The following EDC3 variants were observed in gnomAD, a reference collection of about 807,000 sequenced individuals.
The protein encoded by EDC3 is enhancer of mRNA decapping 3, also known as enhancer of mRNA-decapping protein 3.
A neutral mutation model predicts 41.8 loss-of-function variants in EDC3; 20 were observed. That is an observed-to-expected ratio of 0.48 (90% CI 0.34 to 0.70). The LOEUF is 0.70. Among genes scored for constraint, EDC3 ranks in the 30% least tolerant of loss-of-function variants. The probability of loss-of-function intolerance (pLI) is 0.01; values close to 1 mark genes in which losing one functional copy is unlikely to be tolerated. For synonymous variants in EDC3, 206 were observed against 243.2 expected, an observed-to-expected ratio of 0.85 and a Z score of 1.42; for missense variants, 444 against 636.8, an observed-to-expected ratio of 0.70 and a Z score of 3.26.
At chr15:74,641,094 G>C in intron 4 of EDC3, 1 of 163,592 alleles carries the variant, frequency 6.1e-6, no homozygotes, top group South Asian at 1.7e-4. Flanking sequence ...TCTGGTCCCT[G>C]CTGTTCTCCT....
intron 4 of EDC3, chr15:74,642,092 G>A (rs2062359470): frequency 6.6e-6 from 1 of 152,184 alleles, no homozygotes; most frequent in Admixed American, 6.5e-5. Flanking sequence ...CACAGAGAAT[G>A]AGGCTATAGC....
At chr15:74,672,636 CA>C (rs2062752700) in intron 2 of EDC3, among the ~76,000 whole-genome samples, 1 of 152,044 alleles carries the variant, frequency 6.6e-6, no homozygotes, top group South Asian at 2.1e-4. Context: ...GTCAACATGG[CA>C]AAACCCTGTC....
At chr15:74,693,418 T>C (rs185051729) in intron 1 of EDC3, among the ~76,000 whole-genome samples, 158 of 152,334 alleles carry the variant, frequency 1.0e-3, no homozygotes, top group Non-Finnish European at 1.6e-3. Flanking sequence ...CAAATTATAT[T>C]GAGATCTTTT....
Position 74,635,432 on chromosome 15 carries a change from C to G in EDC3, c.1169G>C (p.Gly390Ala), listed in dbSNP as rs1391659196. ...NELSLFSKTQ[G>A]QQVSSLKDLP... The stretch of plus-strand genomic sequence containing the variant: ...ACCTTTGAGGCTAGACACTTGTTGG[C>G]CTTGGGTCTTGCTGAAGAGCGACAG... The change falls in exon 6 of 7, where the codon GGC becomes GCC. Residue 390 changes from glycine (G) to alanine (A), a missense_variant. Physicochemically the swap from Gly to Ala is moderately conservative, Grantham distance 60. Transcript: ENST00000315127. The G allele has an allele frequency of 6.2e-7, 1 of 1,614,226 alleles. No homozygotes were observed.
At chr15:74,684,013 C>T (rs1338356145) in intron 1 of EDC3, among the ~76,000 whole-genome samples, 3 of 150,288 alleles carry the variant, frequency 2.0e-5, no homozygotes, top group Admixed American at 6.6e-5. Context: ...TATGATTGTA[C>T]CACTGCACTC....
At chr15:74,663,487 C>T (rs1022545553) in intron 3 of EDC3, among the ~76,000 whole-genome samples, 4 of 151,958 alleles carry the variant, frequency 2.6e-5, no homozygotes, top group South Asian at 2.1e-4. Flanking sequence ...TGAGCGCCAA[C>T]GTGATGTTCA....
At chr15:74,657,638 T>G (rs938629887) in intron 3 of EDC3, among the ~76,000 whole-genome samples, 7 of 152,188 alleles carry the variant, frequency 4.6e-5, no homozygotes, top group Admixed American at 4.6e-4. Flanking sequence ...GGCCTGGTCT[T>G]ATAGCCTGAA....
At chr15:74,639,329 C>T (rs1331632900) in intron 5 of EDC3, 1 of 152,228 alleles carries the variant, frequency 6.6e-6, no homozygotes, top group African/African-American at 2.4e-5. Flanking sequence ...ACTTTCCAGC[C>T]ACATAGTGAC....
chr15:74,672,077 C>T (rs988501011), intron 2 of EDC3, among the ~76,000 whole-genome samples: 3 of 149,312 alleles, frequency 2.0e-5, no homozygotes, highest in Non-Finnish European at 4.4e-5. Flanking sequence ...CCGGCTAAAA[C>T]GGTGAAACCC....
chr15:74,685,394 C>T (rs983044429), intron 1 of EDC3, among the ~76,000 whole-genome samples: 28 of 151,960 alleles, frequency 1.8e-4, no homozygotes, highest in African/African-American at 6.8e-4. Context: ...CAGAGTGAGA[C>T]CCTGTCTCAA....
Position 74,671,341 on chromosome 15 carries a change from G to T in EDC3, c.484+114C>A. On this transcript the variant is annotated intron_variant, in intron 3 of 6. Transcript: ENST00000315127. The surrounding 1 kb of genome is among the most constrained non-coding windows in gnomAD (Gnocchi z 4.6). The stretch of plus-strand genomic sequence containing the variant: ...CCATGTTGTATTTCTGTGACGCTCA[G>T]CCAGCATCCATTTTATTGGAATAAC... 1 of 1,193,030 alleles carries T rather than the reference G, an allele frequency of 8.4e-7. No homozygotes were observed. Among genetic ancestry groups the T allele is most frequent in the Non-Finnish European group, 1.2e-6 (1 of 842,284 alleles). The allele number at this position is 1,193,030 out of a possible 1,614,324, so 73.9% of individuals were successfully genotyped here.
Position 74,678,048 on chromosome 15 carries a change from A to G in EDC3, c.-18-2906T>C, listed in dbSNP as rs2062825981. Among the ~76,000 whole-genome samples, 3 of 151,930 alleles carry G rather than the reference A, an allele frequency of 2.0e-5. No individual in the cohort carries two copies. In the South Asian group the frequency reaches 6.3e-4, roughly 32 times the overall value. On this transcript the variant is annotated intron_variant, in intron 1 of 6. Transcript: ENST00000315127. ...AGCTACAAGGTTTTCTGGAAAAGGC[A>G]AAACTATGGAGACAGTAAAAGGAGC...
intron 4 of EDC3, among the ~76,000 whole-genome samples, chr15:74,654,609 A>G (rs1468271002): frequency 6.6e-6 from 1 of 152,200 alleles, no homozygotes; most frequent in Non-Finnish European, 1.5e-5. Flanking sequence ...AACCACCTTA[A>G]TAAACAGGCA....
intron 3 of EDC3, among the ~76,000 whole-genome samples, chr15:74,664,402 T>C (rs2062655327): frequency 6.6e-6 from 1 of 152,282 alleles, no homozygotes; most frequent in South Asian, 2.1e-4. Context: ...ACAAGGGCCA[T>C]GCAAGTACTG....
At chr15:74,668,328 T>C (rs1293654700) in intron 3 of EDC3, among the ~76,000 whole-genome samples, 1 of 152,330 alleles carries the variant, frequency 6.6e-6, no homozygotes, top group East Asian at 1.9e-4. Context: ...TGTTTAATGA[T>C]AATGCATCAA....
chr15:74,693,704 C>A (rs1281712494), intron 1 of EDC3, among the ~76,000 whole-genome samples: 1 of 152,156 alleles, frequency 6.6e-6, no homozygotes, highest in Non-Finnish European at 1.5e-5. Flanking sequence ...CTCAGTAAGA[C>A]CAGGCGCGGT....
At chr15:74,688,767 C>T (rs187928494) in intron 1 of EDC3, among the ~76,000 whole-genome samples, 8 of 152,166 alleles carry the variant, frequency 5.3e-5, no homozygotes, top group Non-Finnish European at 1.2e-4. Flanking sequence ...ATTAGCTGGG[C>T]GTGGTGGCAC....
chr15:74,664,495 A>G (rs2062656331), intron 3 of EDC3, among the ~76,000 whole-genome samples: 1 of 152,218 alleles, frequency 6.6e-6, no homozygotes, highest in South Asian at 2.1e-4. Context: ...TAACAAACCC[A>G]TTGTTGTGTA....
intron 1 of EDC3, among the ~76,000 whole-genome samples, chr15:74,679,145 A>G (rs555019772): frequency 7.4e-4 from 113 of 152,172 alleles, no homozygotes; most frequent in Admixed American, 2.9e-3. Context: ...GCAGTTAGCC[A>G]AGATCGCGCC....
Sources: allele counts gnomAD v4.1 joint callset (sites outside exome capture counted in the v4.1 genomes callset), GRCh38; gene constraint gnomAD v4.1.1; non-coding constraint Gnocchi (gnomAD v3.1); transcripts MANE v1.5; gene names NCBI Gene and HGNC (gene_info 2026-07-23, HGNC 2026-07-21).